The following PLS3 variants were observed in gnomAD, a reference collection of about 807,000 sequenced individuals.
PLS3 encodes plastin 3.
A neutral mutation model predicts 46.5 loss-of-function variants in PLS3; 11 were observed. The observed-to-expected ratio is 0.24, with a 90% CI of 0.15 to 0.39. The LOEUF (loss-of-function observed/expected upper bound fraction) is 0.39, where lower values mean the gene tolerates loss of function less well. PLS3 is among the 10% of genes least tolerant of loss of function. The probability of loss-of-function intolerance (pLI) is 1.00; values close to 1 mark genes in which losing one functional copy is unlikely to be tolerated. For synonymous variants in PLS3, 167 were observed against 162.2 expected (o/e 1.03, Z -0.22); for missense variants, 308 against 461.8 (o/e 0.67, Z 3.05).
intron 1 of PLS3, among the ~76,000 whole-genome samples, chrX:115,588,380 C>T (rs1314835530): frequency 8.9e-6 from 1 of 111,997 alleles, no homozygotes; most frequent in African/African-American, 3.2e-5. Context: ...AATGCAGAAG[C>T]AGATATGAAA....
chrX:115,599,043 G>A (rs1284332516), intron 1 of PLS3, among the ~76,000 whole-genome samples: 13 of 111,432 alleles, frequency 1.2e-4, no homozygotes, highest in African/African-American at 3.9e-4. Flanking sequence ...ATTAGCTGGA[G>A]GGGGTTACTA....
chrX:115,577,364 T>C (rs1286377724), intron 1 of PLS3, among the ~76,000 whole-genome samples: 1 of 111,931 alleles, frequency 8.9e-6, no homozygotes, highest in East Asian at 2.8e-4. Flanking sequence ...CTGACAAAAC[T>C]TCAATCCTAA....
intron 1 of PLS3, among the ~76,000 whole-genome samples, chrX:115,591,062 C>T (rs2074342029): frequency 9.1e-6 from 1 of 110,471 alleles, no homozygotes; most frequent in African/African-American, 3.3e-5. Context: ...TGGCATGAAC[C>T]CGGGAGGTGG....
chrX:115,565,241 C>T (rs1469367230), intron 1 of PLS3, among the ~76,000 whole-genome samples: 9 of 111,279 alleles, frequency 8.1e-5, no homozygotes, highest in African/African-American at 2.3e-4. Context: ...AGAAGATTCA[C>T]GATAAATTTA....
intron 3 of PLS3, among the ~76,000 whole-genome samples, chrX:115,626,345 C>T (rs782477497): frequency 3.7e-4 from 39 of 106,724 alleles, no homozygotes; most frequent in Non-Finnish European, 5.8e-4. Flanking sequence ...AGTGCAGTGG[C>T]GTGATCTCGG....
chrX:115,599,927 G>A (rs1482065178), intron 1 of PLS3, among the ~76,000 whole-genome samples: 2 of 110,945 alleles, frequency 1.8e-5, no homozygotes, highest in African/African-American at 6.5e-5. Flanking sequence ...ACTGCGCCTG[G>A]CTGAGAAATA....
chrX:115,633,867 G>A (rs180729867), intron 5 of PLS3, 133 bp from the exon 6 acceptor site: 1 of 470,554 alleles, frequency 2.1e-6, no homozygotes, highest in Admixed American at 3.9e-5. Flanking sequence ...AAGTCATCTA[G>A]CTGCATTTTT....
intron 2 of PLS3, among the ~76,000 whole-genome samples, chrX:115,613,747 C>T (rs149462101): frequency 0.038 from 4,155 of 110,007 alleles, 201 homozygotes; most frequent in African/African-American, 0.13. Context: ...ATCCTCCCAC[C>T]TCGGCCTCCT....
intron 2 of PLS3, among the ~76,000 whole-genome samples, chrX:115,611,864 A>C (rs2074551755): frequency 8.9e-6 from 1 of 111,878 alleles, no homozygotes; most frequent in Admixed American, 9.5e-5. Flanking sequence ...AAATTGTATT[A>C]AGTAAGGGAT....
chrX:115,606,025 G>A (rs182580894), intron 1 of PLS3, among the ~76,000 whole-genome samples: 1 of 106,773 alleles, frequency 9.4e-6, no homozygotes, highest in African/African-American at 3.4e-5. Context: ...GGGGCAGGTT[G>A]GGGAGAAAGA....
intron 1 of PLS3, among the ~76,000 whole-genome samples, chrX:115,567,671 C>CA (rs1435742377): frequency 6.6e-5 from 7 of 106,583 alleles, no homozygotes; most frequent in South Asian, 4.1e-4. Context: ...TAAACACCTT[C>CA]AAAGCTATTA....
At chrX:115,649,365 A>G (rs1261776779) in intron 15 of PLS3, 64 bp from the exon 16 acceptor site, 3 of 901,557 alleles carry the variant, frequency 3.3e-6, no homozygotes, top group Non-Finnish European at 4.6e-6. Flanking sequence ...GAGGAAATAG[A>G]TGTCTTACGT....
intron 15 of PLS3, among the ~76,000 whole-genome samples, chrX:115,649,127 C>A (rs1321990598): frequency 1.3e-4 from 15 of 111,567 alleles, no homozygotes; most frequent in African/African-American, 4.6e-4. Flanking sequence ...ATTGTATAGA[C>A]AGCCTAGGTA....
chrX:115,564,239 C>T (rs1418025189), intron 1 of PLS3, among the ~76,000 whole-genome samples: 2 of 112,065 alleles, frequency 1.8e-5, no homozygotes, highest in African/African-American at 6.5e-5. Flanking sequence ...TTTGCCTTGA[C>T]TTAATACAGA....
chrX:115,610,869 G>C, intron 2 of PLS3: 2 of 1,105,674 alleles, frequency 1.8e-6, no homozygotes, highest in Non-Finnish European at 1.2e-6. Context: ...CATGCTATTT[G>C]ATTTATCCTT....
intron 1 of PLS3, among the ~76,000 whole-genome samples, chrX:115,600,553 C>T (rs782167193): frequency 7.1e-4 from 80 of 112,191 alleles, no homozygotes; most frequent in Non-Finnish European, 1.2e-3. Flanking sequence ...CAAAGAATTA[C>T]ACAAGTTTTT....
chrX:115,649,734 A>C lies in PLS3; in HGVS notation c.*173A>C. On this transcript the variant is annotated 3_prime_UTR_variant, in exon 16 of 16. Coordinates refer to ENST00000355899, the MANE Select transcript of PLS3 (RefSeq NM_005032.7). ...CCCTCAGGGGAAAGGGTTTAAGAAAAACAACTCCTCTTTCCCATAGTCAGA... is the reference window on the plus strand; with the variant it reads ...CCCTCAGGGGAAAGGGTTTAAGAAACACAACTCCTCTTTCCCATAGTCAGA... 1.6e-5 allele frequency: 6 copies of C among 367,672 alleles called. No homozygotes were observed. The highest frequency in any genetic ancestry group is 2.5e-5 in the African/African-American group (1 of 40,235). The allele number at this position is 367,672 out of a possible 1,213,427, so 30.3% of individuals were successfully genotyped here.
At chrX:115,631,569 C>A in intron 5 of PLS3, among the ~76,000 whole-genome samples, 1 of 109,873 alleles carries the variant, frequency 9.1e-6, no homozygotes, top group Middle Eastern at 4.7e-3. Flanking sequence ...CCTGTCTCTA[C>A]AAAAAAATTA....
chrX:115,601,632 T>TA (rs376076599), intron 1 of PLS3, among the ~76,000 whole-genome samples: 3 of 106,584 alleles, frequency 2.8e-5, no homozygotes, highest in Non-Finnish European at 3.9e-5. Context: ...TAAAGTATAA[T>TA]AAAAAAAATA....
Sources: allele counts gnomAD v4.1 joint callset (sites outside exome capture counted in the v4.1 genomes callset), GRCh38; gene constraint gnomAD v4.1.1; transcripts MANE v1.5; gene names NCBI Gene and HGNC (gene_info 2026-07-23, HGNC 2026-07-21).